SARDH: variants seen among roughly 807,000 people sequenced by gnomAD.
SARDH encodes the protein sarcosine dehydrogenase, mitochondrial.
Under a neutral mutation model 109.1 loss-of-function variants are expected in SARDH, and 95 were observed. The ratio of observed to expected loss-of-function variants is 0.87; its 90% CI spans 0.74 to 1.03. The LOEUF is 1.03. SARDH is among the 50% of genes least tolerant of loss of function. The pLI, the probability that SARDH is intolerant of heterozygous loss-of-function variation, is 0.00. For synonymous variants in SARDH, 572 were observed against 534.8 expected (o/e 1.07, Z -0.96); for missense variants, 1,267 against 1,287.8 (o/e 0.98, Z 0.25).
Position 133,666,621 on chromosome 9 carries a change from C to T in SARDH, c.2631+114G>A, listed in dbSNP as rs1830074111. 2 of 1,403,810 alleles carry T rather than the reference C, an allele frequency of 1.4e-6. No individual in the cohort carries two copies. The highest frequency in any genetic ancestry group is 1.4e-5 in the African/African-American group (1 of 70,060). 87.0% of individuals were successfully genotyped at this position (1,403,810 alleles called of 1,614,324 possible). A position where few individuals can be genotyped will look rare whatever the true frequency, so the allele number is the denominator to read the frequency against. On this transcript the variant is annotated intron_variant, in intron 20 of 20. Transcript: ENST00000439388. The surrounding 1 kb of genome is among the most constrained non-coding windows in gnomAD (Gnocchi z 5.2). Reference sequence around the variant, plus strand: ...TCTCTTCCCTCCTCCTCTTCTGGACCACACCCGTGCCTCCTCCCTATGCCC... The same window carrying T: ...TCTCTTCCCTCCTCCTCTTCTGGACTACACCCGTGCCTCCTCCCTATGCCC...
intron 15 of SARDH, 126 bp downstream of exon 15, chr9:133,694,132 C>T (rs556565157): frequency 7.9e-5 from 54 of 681,876 alleles, no homozygotes; most frequent in African/African-American, 5.2e-4. Context: ...CTGACCACAG[C>T]GGGCACAACA....
In SARDH at chr9:133,670,756, T is replaced by C; in HGVS notation, c.2327-4A>G. ...TCCGCGTGCCAGTGCCGGTAGCCTG[T>C]GGGAAGGGAATCCATGGGGTCGGTG... On this transcript the variant is annotated splice_region_variant and splice_polypyrimidine_tract_variant and intron_variant, in intron 18 of 20. Transcript: ENST00000439388. 6.4e-7 allele frequency: 1 copy of C among 1,563,376 alleles called. No individual in the cohort carries two copies. The highest frequency in any genetic ancestry group is 8.6e-7 in the Non-Finnish European group (1 of 1,156,774).
chr9:133,663,024 G>A (rs538045034), downstream of SARDH, among the ~76,000 whole-genome samples: 1 of 152,298 alleles, frequency 6.6e-6, no homozygotes, highest in Admixed American at 6.5e-5. Flanking sequence ...GCCTAAGAGA[G>A]GGTCCTCCTG....
intron 16 of SARDH, 78 bp from the exon 17 acceptor site, chr9:133,685,364 C>T: frequency 8.7e-7 from 1 of 1,143,244 alleles, no homozygotes; most frequent in Non-Finnish European, 1.3e-6. Flanking sequence ...CGGGGACCTG[C>T]CATGAGTGGG....
chr9:133,734,205 T>G lies in SARDH; in HGVS notation c.-30-2A>C. 1 of 1,503,676 alleles carries G rather than the reference T, an allele frequency of 6.7e-7. No homozygotes were observed. The highest frequency in any genetic ancestry group is 8.9e-7 in the Non-Finnish European group (1 of 1,126,494). The allele number at this position is 1,503,676 out of a possible 1,614,324, so 93.1% of individuals were successfully genotyped here. On this transcript the variant is annotated splice_acceptor_variant, in intron 1 of 20. Coordinates refer to ENST00000439388, the MANE Select transcript of SARDH (RefSeq NM_001134707.2). LOFTEE classifies it low-confidence loss of function (5UTR_SPLICE). ...TCCAGGCCTCAGCGAAACAGGGAGC[T>G]GGGGAGAGAATCAGAGCTGGGTGGG...
chr9:133,673,933 C>G (rs1381050875), intron 17 of SARDH, among the ~76,000 whole-genome samples: 4 of 152,210 alleles, frequency 2.6e-5, no homozygotes, highest in Non-Finnish European at 4.4e-5. Context: ...GCTCCAGCAG[C>G]TCAGCGAGGA....
At chr9:133,707,258 T>C (rs1831727359) in intron 11 of SARDH, among the ~76,000 whole-genome samples, 1 of 152,178 alleles carries the variant, frequency 6.6e-6, no homozygotes, top group African/African-American at 2.4e-5. Flanking sequence ...GAGGAATGCG[T>C]CTGAGCTGAC....
At chr9:133,703,984 G>A (rs776737599) in intron 12 of SARDH, among the ~76,000 whole-genome samples, 4 of 152,092 alleles carry the variant, frequency 2.6e-5, no homozygotes, top group East Asian at 1.9e-4. Context: ...TCCTCTCCTC[G>A]CCCAGGGACA....
rs129900 is a variant in SARDH at position 133,686,883 on chromosome 9, T to C, written c.2070-1597A>G. On this transcript the variant is annotated intron_variant, in intron 16 of 20. Coordinates refer to ENST00000439388, the MANE Select transcript of SARDH (RefSeq NM_001134707.2). The surrounding 1 kb of genome is among the most constrained non-coding windows in gnomAD (Gnocchi z 4.0). The stretch of plus-strand genomic sequence containing the variant: ...GCCAAGCCCTGGAGAGTGATACCAG[T>C]GCCTCAGACCTGACAAGCACATGCT... 0.42 allele frequency among the ~76,000 whole-genome samples: 64,176 copies of C among 152,058 alleles called. 14,531 individuals are homozygous for C. Among genetic ancestry groups the C allele is most frequent in the African/African-American group, 0.59 (24,529 of 41,448 alleles).
At chr9:133,671,340 T>G (rs1012588932) in intron 18 of SARDH, among the ~76,000 whole-genome samples, 195 bp downstream of exon 18, 2 of 152,162 alleles carry the variant, frequency 1.3e-5, no homozygotes, top group South Asian at 4.2e-4. Flanking sequence ...ACGAAGACCC[T>G]GGGCAGCAAG....
chr9:133,729,278 G>A (rs1832593198), intron 6 of SARDH, among the ~76,000 whole-genome samples: 1 of 151,954 alleles, frequency 6.6e-6, no homozygotes, highest in Non-Finnish European at 1.5e-5. Context: ...AGAAGAGAGG[G>A]CAGGAGGCAC....
intron 16 of SARDH, 106 bp from the exon 17 acceptor site, chr9:133,685,392 T>C (rs1187064270): frequency 5.4e-6 from 4 of 735,974 alleles, no homozygotes; most frequent in East Asian, 2.7e-5. Flanking sequence ...CCTGTCCTCA[T>C]GAGACAGATG....
In SARDH at chr9:133,686,224, CATCTACTCT is replaced by C. The variant is rs1830880807; in HGVS notation, c.2070-947_2070-939del. On this transcript the variant is annotated intron_variant, in intron 16 of 20. Coordinates refer to ENST00000439388, the MANE Select transcript of SARDH (RefSeq NM_001134707.2). This position sits in a 1 kb window ranked among gnomAD's most constrained non-coding sequence, Gnocchi z 4.0. ...CCCTGCTCCGTGGTACCCAGCACCA[CATCTACTCT>C]CACACTTGCGCAAGTACCGGAGACC... Among the ~76,000 whole-genome samples the C allele has an allele frequency of 6.6e-6, 1 of 152,062 alleles. No individual in the cohort carries two copies. Among genetic ancestry groups the C allele is most frequent in the Admixed American group, 6.5e-5 (1 of 15,272 alleles).
chr9:133,717,761 G>A (rs1264277711), intron 7 of SARDH, among the ~76,000 whole-genome samples: 1 of 151,956 alleles, frequency 6.6e-6, no homozygotes, highest in Non-Finnish European at 1.5e-5. Flanking sequence ...CCAAAGCCCT[G>A]TATGGCATGT....
In SARDH at chr9:133,717,466, A is replaced by G; in HGVS notation, c.1021-11T>C. ...AAACTTGTCTGACACCTGCCAAGGC[A>G]GGGCAGGGGAACATCTCCGTTGTCC... On this transcript the variant is annotated splice_polypyrimidine_tract_variant and intron_variant, in intron 7 of 20. Transcript: ENST00000439388. 9.9e-6 allele frequency: 16 copies of G among 1,613,932 alleles called. No individual in the cohort carries two copies. Among genetic ancestry groups the G allele is most frequent in the Non-Finnish European group, 1.4e-5 (16 of 1,179,908 alleles).
chr9:133,720,743 C>T (rs556640558), intron 6 of SARDH, among the ~76,000 whole-genome samples: 1 of 152,214 alleles, frequency 6.6e-6, no homozygotes, highest in South Asian at 2.1e-4. Context: ...GGGAAACCAC[C>T]CCATGATTCA....
At chr9:133,682,003 G>A (rs559549921) in intron 17 of SARDH, among the ~76,000 whole-genome samples, 7 of 152,120 alleles carry the variant, frequency 4.6e-5, no homozygotes, top group African/African-American at 9.6e-5. Flanking sequence ...CTGGGCAAGC[G>A]AGGGGCGCAG....
chr9:133,708,531 A>G, intron 10 of SARDH, 103 bp from the exon 11 acceptor site: 4 of 1,414,374 alleles, frequency 2.8e-6, no homozygotes, highest in Non-Finnish European at 3.8e-6. Flanking sequence ...CCTGCACCAG[A>G]GTCCCCTTTG....
intron 17 of SARDH, among the ~76,000 whole-genome samples, chr9:133,676,947 T>A (rs983235638): frequency 2.0e-5 from 3 of 152,196 alleles, no homozygotes; most frequent in Middle Eastern, 3.2e-3. Context: ...GAGACCAGCC[T>A]GGCCAACACA....
Sources: allele counts gnomAD v4.1 joint callset (sites outside exome capture counted in the v4.1 genomes callset), GRCh38; gene constraint gnomAD v4.1.1; non-coding constraint Gnocchi (gnomAD v3.1); transcripts MANE v1.5; gene names NCBI Gene and HGNC (gene_info 2026-07-23, HGNC 2026-07-21).